The following OBI1 variants were observed in gnomAD, a reference collection of about 807,000 sequenced individuals.
OBI1 encodes the protein ring finger protein 219.
Under a neutral mutation model 62.4 loss-of-function variants are expected in OBI1, and 59 were observed. The ratio of observed to expected loss-of-function variants is 0.95; its 90% CI spans 0.77 to 1.17. The LOEUF (loss-of-function observed/expected upper bound fraction) is 1.17. Among genes scored for constraint, OBI1 ranks in the 50% most tolerant of loss-of-function variants. The pLI is 0.00. For synonymous variants in OBI1, 302 were observed against 292.8 expected (o/e 1.03, Z -0.32); for missense variants, 875 against 830.9 (o/e 1.05, Z -0.65).
chr13:78,635,171 C>T lies in OBI1; in HGVS notation c.577G>A (p.Gly193Ser). Reference protein sequence around the residue: ...EANKKLKLENGGLVRENLRLK... With the variant: ...EANKKLKLENSGLVRENLRLK... The stretch of plus-strand genomic sequence containing the variant: ...CGTAAATTCTCCCTCACCAGACCAC[C>T]ATTTTCCAATTTCAATTTTTTATTT... The change falls in exon 5 of 6, where the codon GGT (glycine) becomes AGT (serine). Residue 193 changes from glycine (G) to serine (S), a missense_variant. Coordinates refer to ENST00000282003, the MANE Select transcript of OBI1 (RefSeq NM_024546.4). 1.2e-6 allele frequency: 2 copies of T among 1,609,026 alleles called. No individual in the cohort carries two copies. The highest frequency in any genetic ancestry group is 1.7e-6 in the Non-Finnish European group (2 of 1,176,804).
At chr13:78,641,038 T>C (rs1566283416) in intron 3 of OBI1, among the ~76,000 whole-genome samples, 1 of 152,180 alleles carries the variant, frequency 6.6e-6, no homozygotes, top group African/African-American at 2.4e-5. Flanking sequence ...TCACTAAACA[T>C]TTGGGTTAGA....
chr13:78,647,605 A>G lies in OBI1; in HGVS notation c.73-2608T>C, dbSNP rs181525386. Among the ~76,000 whole-genome samples, 182 of 152,366 alleles carry G rather than the reference A, an allele frequency of 1.2e-3. 2 individuals carry two copies. Among genetic ancestry groups the G allele is most frequent in the African/African-American group, 4.2e-3 (174 of 41,600 alleles). On this transcript the variant is annotated intron_variant, in intron 1 of 5. Coordinates refer to ENST00000282003, the MANE Select transcript of OBI1 (RefSeq NM_024546.4). ...ATTCCTCTTGCTGAGATAGTAAAAC[A>G]GTAATCAATAAATACTGAGGGAACT... is the stretch of plus-strand genomic sequence containing the variant.
intron 1 of OBI1, among the ~76,000 whole-genome samples, chr13:78,655,222 C>G (rs1040568602): frequency 6.6e-6 from 1 of 152,132 alleles, no homozygotes; most frequent in Non-Finnish European, 1.5e-5. Flanking sequence ...CTGGAATTAT[C>G]TAGAGGTAAA....
In OBI1 at chr13:78,614,828, C is replaced by T. The variant is rs781391878; in HGVS notation, c.*752G>A. On this transcript the variant is annotated 3_prime_UTR_variant, in exon 6 of 6. Coordinates refer to ENST00000282003, the MANE Select transcript of OBI1 (RefSeq NM_024546.4). ...TATGCTAAATTTCTGATTTTACACACATACACACACACGCAGAGGAGAAAA... is the reference window on the plus strand; with the variant it reads ...TATGCTAAATTTCTGATTTTACACATATACACACACACGCAGAGGAGAAAA... 1.3e-5 allele frequency: 2 copies of T among 152,092 alleles called. No homozygotes were observed. The highest frequency in any genetic ancestry group is 6.6e-5 in the Admixed American group (1 of 15,256). The allele number at this position is 152,092 out of a possible 1,614,324, so 9.4% of individuals were successfully genotyped here.
At chr13:78,630,714 G>A (rs955074188) in intron 5 of OBI1, among the ~76,000 whole-genome samples, 3 of 152,142 alleles carry the variant, frequency 2.0e-5, no homozygotes, top group Admixed American at 2.0e-4. Context: ...CTATGAAGCA[G>A]GAAGTGGGCC....
Position 78,638,806 on chromosome 13 carries a change from T to A in OBI1, c.549+17A>T. 6.3e-7 allele frequency: 1 copy of A among 1,592,036 alleles called. No homozygotes were observed. The highest frequency in any genetic ancestry group is 2.2e-5 in the East Asian group (1 of 44,696). ...TTTAAAAACAACCATAATAGATTTT[T>A]AAAAACCACAACTTACCTCCTTTAG... On this transcript the variant is annotated intron_variant, in intron 4 of 5. Coordinates refer to ENST00000282003, the MANE Select transcript of OBI1 (RefSeq NM_024546.4).
chr13:78,659,017 GT>G, intron 1 of OBI1, 31 bp downstream of exon 1: 1 of 1,600,792 alleles, frequency 6.2e-7, no homozygotes, highest in South Asian at 1.1e-5. Flanking sequence ...ATCCAACCCC[GT>G]TTTGTAGCTG....
At chr13:78,647,368 C>T (rs946030892) in intron 1 of OBI1, among the ~76,000 whole-genome samples, 15 of 152,346 alleles carry the variant, frequency 9.8e-5, no homozygotes, top group Non-Finnish European at 1.0e-4. Context: ...GGAGAAAAAC[C>T]GCCCTGTGGC....
intron 1 of OBI1, among the ~76,000 whole-genome samples, chr13:78,647,052 T>C (rs1260447201): frequency 1.3e-5 from 2 of 152,218 alleles, no homozygotes; most frequent in Non-Finnish European, 2.9e-5. Flanking sequence ...AAGTCATCAC[T>C]ATTCTCCATT....
intron 3 of OBI1, 35 bp downstream of exon 3, chr13:78,642,087 T>A: frequency 7.7e-7 from 1 of 1,291,316 alleles, no homozygotes; most frequent in Non-Finnish European, 1.1e-6. Context: ...TTGAATTCAC[T>A]GCTAACATAA....
At chr13:78,651,736 T>C (rs897420430) in intron 1 of OBI1, among the ~76,000 whole-genome samples, 1 of 152,234 alleles carries the variant, frequency 6.6e-6, no homozygotes, top group Admixed American at 6.5e-5. Context: ...GTTCATTTAT[T>C]TAATGTTCAC....
intron 1 of OBI1, among the ~76,000 whole-genome samples, chr13:78,658,412 AAGAG>A (rs1311740032): frequency 3.3e-5 from 5 of 152,188 alleles, no homozygotes; most frequent in Non-Finnish European, 5.9e-5. Flanking sequence ...TTGCATCACA[AAGAG>A]AGAGTATTCT....
chr13:78,645,306 A>AT (rs1401967858), intron 1 of OBI1, among the ~76,000 whole-genome samples: 1 of 152,166 alleles, frequency 6.6e-6, no homozygotes, highest in Admixed American at 6.5e-5. Flanking sequence ...GGCTGGGACA[A>AT]TTTTGCTCAA....
chr13:78,647,645 G>A (rs554570011), intron 1 of OBI1, among the ~76,000 whole-genome samples: 28 of 152,170 alleles, frequency 1.8e-4, no homozygotes, highest in Non-Finnish European at 4.1e-4. Flanking sequence ...GACCAGTGCC[G>A]GTGCAGGTCC....
Position 78,638,888 on chromosome 13 carries a change from T to C in OBI1, c.484A>G (p.Lys162Glu). The change falls in exon 4 of 6, where the codon AAA becomes GAA. Residue 162 changes from lysine (K) to glutamate (E), a missense_variant. Transcript: ENST00000282003. ...ATTTCATTAGCTGTTCTGAGTTTTTTCTTCCACTCTGCTACAGTTTCTGGG... is the reference window on the plus strand; with the variant it reads ...ATTTCATTAGCTGTTCTGAGTTTTTCCTTCCACTCTGCTACAGTTTCTGGG... ...INPETVAEWK[K>E]KLRTANEIYE... The C allele has an allele frequency of 6.2e-7, 1 of 1,613,922 alleles. No homozygotes were observed. The highest frequency in any genetic ancestry group is 8.5e-7 in the Non-Finnish European group (1 of 1,179,886).
At chr13:78,647,125 G>A (rs909391259) in intron 1 of OBI1, among the ~76,000 whole-genome samples, 3 of 152,362 alleles carry the variant, frequency 2.0e-5, no homozygotes, top group South Asian at 2.1e-4. Flanking sequence ...CAGGAAAGCC[G>A]GGTATTGTCC....
chr13:78,633,667 T>C (rs73230991), intron 5 of OBI1, among the ~76,000 whole-genome samples: 1 of 152,320 alleles, frequency 6.6e-6, no homozygotes, highest in Non-Finnish European at 1.5e-5. Context: ...TCTGCGATCT[T>C]TTCTCCATTT....
chr13:78,628,223 A>T (rs1875736913), intron 5 of OBI1, among the ~76,000 whole-genome samples: 1 of 152,224 alleles, frequency 6.6e-6, no homozygotes, highest in African/African-American at 2.4e-5. Context: ...GAAGACAAAA[A>T]CTGAGATACA....
In OBI1 at chr13:78,615,582, A is replaced by T; in HGVS notation, c.2179T>A (p.Ter727ArgextTer12). The T allele has an allele frequency of 6.3e-7, 1 of 1,587,630 alleles. No homozygotes were observed. Among genetic ancestry groups the T allele is most frequent in the Non-Finnish European group, 8.6e-7 (1 of 1,169,536 alleles). The change falls in exon 6 of 6, where the codon TGA becomes AGA. Residue 727 changes from the stop codon to arginine, a stop_lost. Transcript: ENST00000282003. ...ACAAATGACACCTTTCTAATGAGTC[A>T]ACTTTTAGTTGCTTTTGATGGGCTG... ...SASPSKATKS* is the reference protein window; with the variant it reads ...SASPSKATKSR
Sources: gnomAD v4.1 joint callset for allele counts (sites outside exome capture counted in the v4.1 genomes callset) on GRCh38, gnomAD v4.1.1 for gene constraint, MANE v1.5 for transcripts, NCBI Gene and HGNC (gene_info 2026-07-23, HGNC 2026-07-21) for gene names.